The following SLC25A38 variants were observed in gnomAD, a reference collection of about 807,000 sequenced individuals.
SLC25A38 encodes the protein solute carrier family 25 member 38, also known as mitochondrial glycine transporter.
In SLC25A38, 27 loss-of-function variants were observed where a neutral mutation model predicts 33.4. That is an observed-to-expected ratio of 0.81 (90% confidence interval 0.60 to 1.11). The LOEUF (loss-of-function observed/expected upper bound fraction) is 1.11, where lower values mean the gene tolerates loss of function less well. SLC25A38 is among the 50% of genes most tolerant of loss of function. The pLI is 0.00. For synonymous variants in SLC25A38, 123 were observed against 145.9 expected, an observed-to-expected ratio of 0.84 and a Z score of 1.13; for missense variants, 344 against 388.8, an observed-to-expected ratio of 0.88 and a Z score of 0.97.
rs1392000869 is a variant in SLC25A38, at chr3:39,394,586, C to G, written c.792+10C>G. On this transcript the variant is annotated intron_variant, in intron 6 of 6. Coordinates refer to ENST00000650617, the MANE Select transcript of SLC25A38 (RefSeq NM_017875.4). Reference sequence around the variant, plus strand: ...GACACTTATTTTCAAAGTAAGACTACAAAATAAGTACTGGTTCTTGTGGTG... The same window carrying G: ...GACACTTATTTTCAAAGTAAGACTAGAAAATAAGTACTGGTTCTTGTGGTG... The G allele has an allele frequency of 1.9e-6, 3 of 1,613,906 alleles. No homozygotes were observed. The African/African-American group carries it at 4.0e-5, about 22-fold the overall frequency.
chr3:39,387,835 T>G (rs1054999107), intron 1 of SLC25A38: 1 of 153,130 alleles, frequency 6.5e-6, no homozygotes, highest in African/African-American at 2.4e-5. Flanking sequence ...GGAGAGGCAC[T>G]CAGCTATATG....
chr3:39,389,483 C>T lies in SLC25A38; in HGVS notation c.70-12C>T. 6.2e-7 allele frequency: 1 copy of T among 1,614,246 alleles called. No homozygotes were observed. Among genetic ancestry groups the T allele is most frequent in the African/African-American group, 1.3e-5 (1 of 75,052 alleles). ...GGCAGAGCTACTGACACAATATTGT[C>T]TTATCCTGCAGTTACATCCGGTGAT... On this transcript the variant is annotated splice_polypyrimidine_tract_variant and intron_variant, in intron 1 of 6. Transcript: ENST00000650617. The surrounding 1 kb of genome is among the most constrained non-coding windows in gnomAD (Gnocchi z 4.5).
intron 3 of SLC25A38, 102 bp from the exon 4 acceptor site, chr3:39,391,339 C>T (rs1454484155): frequency 6.5e-7 from 1 of 1,528,470 alleles, no homozygotes. Flanking sequence ...AAACAAAGCA[C>T]TTGCATGCGA....
At chr3:39,384,419 C>T (rs1366793988) in intron 1 of SLC25A38, 1 of 358,084 alleles carries the variant, frequency 2.8e-6, no homozygotes, top group African/African-American at 2.1e-5. Context: ...AGTCGGGGTG[C>T]AACCAGTCTT....
intron 6 of SLC25A38, among the ~76,000 whole-genome samples, chr3:39,396,064 G>C (rs1433802335): frequency 2.0e-5 from 3 of 151,998 alleles, no homozygotes; most frequent in African/African-American, 7.3e-5. Flanking sequence ...ACGAAAATTA[G>C]CCGGGCGTGG....
At chr3:39,384,474 C>A in intron 1 of SLC25A38, 1 of 384,238 alleles carries the variant, frequency 2.6e-6, no homozygotes, top group Non-Finnish European at 4.6e-6. Context: ...GCAGCTCTCC[C>A]TCTGAGGTCT....
chr3:39,383,814 G>T, intron 1 of SLC25A38, 21 bp downstream of exon 1: 1 of 1,613,842 alleles, frequency 6.2e-7, no homozygotes, highest in Non-Finnish European at 8.5e-7. Flanking sequence ...TGCGGGGAAG[G>T]AAGGGCAGGG....
Position 39,389,509 on chromosome 3 carries a change from C to G in SLC25A38, c.84C>G (p.Ile28Met). The G allele has an allele frequency of 6.2e-7, 1 of 1,614,170 alleles. No individual in the cohort carries two copies. The highest frequency in any genetic ancestry group is 2.2e-5 in the East Asian group (1 of 44,876). Residue 28 changes from isoleucine (I) to methionine (M), a missense_variant, in exon 2 of 7, where the codon ATC becomes ATG. By Grantham distance (10) the Ile-to-Met change is conservative. This residue lies in a region of SLC25A38 where 269 missense variants were observed against 271.8 expected (regional missense o/e 0.99). Coordinates refer to ENST00000650617, the MANE Select transcript of SLC25A38 (RefSeq NM_017875.4). This position sits in a 1 kb window ranked among gnomAD's most constrained non-coding sequence, Gnocchi z 4.5. ...TTATCCTGCAGTTACATCCGGTGAT[C>G]AAGGCTTTCCTGTGTGGCTCCATCA... ...TVETLMLHPV[I>M]KAFLCGSISG...
chr3:39,389,476 A>G lies in SLC25A38; in HGVS notation c.70-19A>G. ...TCACACAGGCAGAGCTACTGACACA[A>G]TATTGTCTTATCCTGCAGTTACATC... On this transcript the variant is annotated intron_variant, in intron 1 of 6. Coordinates refer to ENST00000650617, the MANE Select transcript of SLC25A38 (RefSeq NM_017875.4). This position sits in a 1 kb window ranked among gnomAD's most constrained non-coding sequence, Gnocchi z 4.5. 1 of 1,614,212 alleles carries G rather than the reference A, an allele frequency of 6.2e-7. No homozygotes were observed. Among genetic ancestry groups the G allele is most frequent in the Non-Finnish European group, 8.5e-7 (1 of 1,180,036 alleles).
At chr3:39,391,750 T>A in intron 4 of SLC25A38, 103 bp from the exon 5 acceptor site, 11 of 1,600,698 alleles carry the variant, frequency 6.9e-6, no homozygotes, top group Non-Finnish European at 9.4e-6. Flanking sequence ...AAGCCATATG[T>A]GAACTAGATC....
At position 39,397,307 on chromosome 3, in the gene SLC25A38, T is replaced by A. The variant is rs2041843063; in HGVS notation, c.*787T>A. The stretch of plus-strand genomic sequence containing the variant: ...AAACCCTTTTCTAAAATAAAATAGT[T>A]CTAGGGTGGCTGGTTATTGACCTAT... On this transcript the variant is annotated 3_prime_UTR_variant, in exon 7 of 7. Coordinates refer to ENST00000650617, the MANE Select transcript of SLC25A38 (RefSeq NM_017875.4). 6.6e-6 allele frequency: 1 copy of A among 152,538 alleles called. No homozygotes were observed. Among genetic ancestry groups the A allele is most frequent in the African/African-American group, 2.4e-5 (1 of 41,448 alleles). The allele number at this position is 152,538 out of a possible 1,614,324, so 9.4% of individuals were successfully genotyped here. A position where few individuals can be genotyped will look rare whatever the true frequency, so the allele number is the denominator to read the frequency against.
At chr3:39,383,865 C>G in intron 1 of SLC25A38, 72 bp downstream of exon 1, 1 of 1,556,066 alleles carries the variant, frequency 6.4e-7, no homozygotes, top group East Asian at 2.3e-5. Context: ...CGGGGCGTTG[C>G]TAAGGCTCGG....
chr3:39,389,521 G>T lies in SLC25A38; in HGVS notation c.96G>T (p.Leu32=), dbSNP rs750402798. The T allele has an allele frequency of 1.2e-6, 2 of 1,614,192 alleles. No homozygotes were observed. The highest frequency in any genetic ancestry group is 1.7e-6 in the Non-Finnish European group (2 of 1,180,044). ...TACATCCGGTGATCAAGGCTTTCCT[G>T]TGTGGCTCCATCAGTGGGACCTGCT... ...LMLHPVIKAF[L]CGSISGTCST... The change falls in exon 2 of 7, where the codon CTG becomes CTT. Residue 32 remains leucine (L), a synonymous_variant. Coordinates refer to ENST00000650617, the MANE Select transcript of SLC25A38 (RefSeq NM_017875.4). This position sits in a 1 kb window ranked among gnomAD's most constrained non-coding sequence, Gnocchi z 4.5.
At chr3:39,394,329 A>G (rs2041805470) in intron 5 of SLC25A38, 81 bp from the exon 6 acceptor site, 2 of 1,568,876 alleles carry the variant, frequency 1.3e-6, no homozygotes, top group African/African-American at 2.7e-5. Flanking sequence ...GGTTTGGGGA[A>G]GAATTGGTGG....
At chr3:39,384,380 G>A (rs2125572643) in intron 1 of SLC25A38, 2 of 301,938 alleles carry the variant, frequency 6.6e-6, no homozygotes, top group South Asian at 3.1e-4. Context: ...GCGGAGGCGG[G>A]GCTGGCGGCG....
At chr3:39,394,365 T>C in intron 5 of SLC25A38, 45 bp from the exon 6 acceptor site, 1 of 1,610,620 alleles carries the variant, frequency 6.2e-7, no homozygotes. Flanking sequence ...CTTTATCTGA[T>C]TAATATAAGA....
chr3:39,386,490 C>T (rs1291714156), intron 1 of SLC25A38, among the ~76,000 whole-genome samples: 1 of 152,174 alleles, frequency 6.6e-6, no homozygotes, highest in East Asian at 1.9e-4. Flanking sequence ...GGGAGGATCA[C>T]CTGAGCCTGA....
intron 5 of SLC25A38, among the ~76,000 whole-genome samples, chr3:39,393,104 G>T (rs1416253507): frequency 1.3e-5 from 2 of 152,128 alleles, no homozygotes; most frequent in African/African-American, 4.8e-5. Context: ...GGCCAACGTG[G>T]TGAAACCTGG....
At position 39,397,122 on chromosome 3, in the gene SLC25A38, C is replaced by G. The variant is rs1230676111; in HGVS notation, c.*602C>G. On this transcript the variant is annotated 3_prime_UTR_variant, in exon 7 of 7. Transcript: ENST00000650617. ...TCCAAATAAAATTTTTTGGTCTTGG[C>G]CCCTGTACTGTTTTACCTCTAAATT... is the stretch of plus-strand genomic sequence containing the variant. 1 of 161,360 alleles carries G rather than the reference C, an allele frequency of 6.2e-6. No individual in the cohort carries two copies. The highest frequency in any genetic ancestry group is 1.4e-5 in the Non-Finnish European group (1 of 72,816). The allele number at this position is 161,360 out of a possible 1,614,324, so 10.0% of individuals were successfully genotyped here. A position where few individuals can be genotyped will look rare whatever the true frequency, so the allele number is the denominator to read the frequency against.
Sources: gnomAD v4.1 joint callset for allele counts (sites outside exome capture counted in the v4.1 genomes callset) on GRCh38, gnomAD v4.1.1 for gene constraint, gnomAD v4.1.1 regional missense constraint, Gnocchi (gnomAD v3.1) non-coding constraint, MANE v1.5 for transcripts, NCBI Gene and HGNC (gene_info 2026-07-23, HGNC 2026-07-21) for gene names.